The following ACVR1 variants were observed in gnomAD, a reference collection of about 807,000 sequenced individuals.
ACVR1 encodes the protein activin A receptor type 1.
In ACVR1, 38 loss-of-function variants were observed where a neutral mutation model predicts 57.1. The observed-to-expected ratio is 0.67, with a 90% confidence interval of 0.51 to 0.87. ACVR1 has a LOEUF of 0.87. ACVR1 is among the 40% of genes least tolerant of loss of function. The pLI, the probability that ACVR1 is intolerant of heterozygous loss-of-function variation, is 0.00. For missense variants in ACVR1, 463 were observed against 638.2 expected (o/e 0.73, Z 2.96); for synonymous variants, 212 against 228.1 (o/e 0.93, Z 0.63).
rs376765601 is a variant in ACVR1, at chr2:157,861,569, T to C, written c.-183+14227A>G. On this transcript the variant is annotated intron_variant, in intron 1 of 10. Coordinates refer to ENST00000434821, the MANE Select transcript of ACVR1 (RefSeq NM_001111067.4). ...TGAAAACTAAATCCAGGTAATCTTC[T>C]GTTTAACATTTAACAGACTAAAAAT... Among the ~76,000 whole-genome samples the C allele has an allele frequency of 1.1e-4, 16 of 152,366 alleles. No individual in the cohort carries two copies. The East Asian group carries it at 1.5e-3, about 15-fold the overall frequency.
chr2:157,772,064 A>G (rs886861240), intron 6 of ACVR1, among the ~76,000 whole-genome samples: 25 of 152,228 alleles, frequency 1.6e-4, no homozygotes, highest in African/African-American at 6.0e-4. Context: ...ATACAAAATT[A>G]CCTCAAATCC....
chr2:157,776,639 AG>A (rs1376714862), intron 5 of ACVR1, among the ~76,000 whole-genome samples: 5 of 152,204 alleles, frequency 3.3e-5, no homozygotes, highest in Admixed American at 2.0e-4. Context: ...GGCAGGCAGT[AG>A]AATGGGATGT....
chr2:157,762,940 A>G (rs1308609735), intron 8 of ACVR1, among the ~76,000 whole-genome samples: 1 of 152,246 alleles, frequency 6.6e-6, no homozygotes, highest in Non-Finnish European at 1.5e-5. Flanking sequence ...ACCCTGAGCC[A>G]GAACCACACC....
At chr2:157,799,957 T>C (rs539365445) in intron 2 of ACVR1, among the ~76,000 whole-genome samples, 28 of 152,304 alleles carry the variant, frequency 1.8e-4, no homozygotes, top group Middle Eastern at 6.8e-3. Context: ...GTTAGAGTCT[T>C]ACTTCTCCTT....
At chr2:157,872,580 T>C (rs1690147590) in intron 1 of ACVR1, among the ~76,000 whole-genome samples, 1 of 152,182 alleles carries the variant, frequency 6.6e-6, no homozygotes, top group African/African-American at 2.4e-5. Flanking sequence ...GAGGGGGACA[T>C]ACCTCAACCT....
At chr2:157,778,687 GTAC>G in intron 4 of ACVR1, among the ~76,000 whole-genome samples, 1 of 152,248 alleles carries the variant, frequency 6.6e-6, no homozygotes, top group East Asian at 1.9e-4. Flanking sequence ...TACAGACACT[GTAC>G]TATCCTTAAG....
intron 9 of ACVR1, among the ~76,000 whole-genome samples, chr2:157,757,006 G>A (rs1029884955): frequency 1.5e-5 from 2 of 129,600 alleles, no homozygotes; most frequent in Non-Finnish European, 3.1e-5. Flanking sequence ...ATATATTTGA[G>A]ATATATATAT....
At position 157,748,410 on chromosome 2, in the gene ACVR1, C is replaced by T. The variant is rs1186886657; in HGVS notation, c.1265-9840G>A. Among the ~76,000 whole-genome samples, 3 of 152,110 alleles carry T rather than the reference C, an allele frequency of 2.0e-5. No individual in the cohort carries two copies. The East Asian group carries it at 5.8e-4, about 29-fold the overall frequency. On this transcript the variant is annotated intron_variant, in intron 9 of 10. Coordinates refer to ENST00000434821, the MANE Select transcript of ACVR1 (RefSeq NM_001111067.4). The stretch of plus-strand genomic sequence containing the variant: ...AAATTGTTTGTTAAGATAAACTAAT[C>T]AGAATTAAAATTTTCAGTTCGAAGG...
At chr2:157,778,439 CCA>C (rs1686378977) in intron 4 of ACVR1, 97 bp from the exon 5 acceptor site, 1 of 1,010,378 alleles carries the variant, frequency 9.9e-7, no homozygotes, top group African/African-American at 1.6e-5. Context: ...CTGATCCTGA[CCA>C]CACAGTCTCA....
intron 6 of ACVR1, 90 bp downstream of exon 6, chr2:157,773,998 A>C: frequency 8.7e-7 from 1 of 1,142,912 alleles, no homozygotes; most frequent in Non-Finnish European, 1.3e-6. Flanking sequence ...AACAGGTAAC[A>C]AAAAGCAGAT....
At chr2:157,863,057 T>C (rs1323431788) in intron 1 of ACVR1, among the ~76,000 whole-genome samples, 1 of 118,592 alleles carries the variant, frequency 8.4e-6, no homozygotes, top group Non-Finnish European at 1.6e-5. Flanking sequence ...AGTCTCACTC[T>C]GTCACCCAGG....
intron 3 of ACVR1, among the ~76,000 whole-genome samples, chr2:157,790,869 T>C (rs954698410): frequency 1.3e-5 from 2 of 152,226 alleles, no homozygotes; most frequent in African/African-American, 2.4e-5. Flanking sequence ...CAGTTCTCCA[T>C]TGCCTTCAGG....
chr2:157,827,447 T>C (rs1330730497), intron 1 of ACVR1, among the ~76,000 whole-genome samples: 1 of 152,230 alleles, frequency 6.6e-6, no homozygotes, highest in Non-Finnish European at 1.5e-5. Flanking sequence ...ATATACTACA[T>C]ACCCATAATT....
chr2:157,823,773 G>C (rs1688236204), intron 1 of ACVR1, among the ~76,000 whole-genome samples: 1 of 152,178 alleles, frequency 6.6e-6, no homozygotes, highest in African/African-American at 2.4e-5. Context: ...AAGTGGTTTG[G>C]TGGTCCATCA....
chr2:157,827,622 C>A (rs1688433385), intron 1 of ACVR1, among the ~76,000 whole-genome samples: 1 of 152,202 alleles, frequency 6.6e-6, no homozygotes, highest in Non-Finnish European at 1.5e-5. Flanking sequence ...TCAACAAATA[C>A]TTGTTGGCCT....
Position 157,737,343 on chromosome 2 carries a change from T to C in ACVR1, c.*188A>G. ...TCGTGAAATGCCCAGTTCACAGTCA[T>C]CGAGCGAGGTTAGGGTGGTTTTGAT... is the stretch of plus-strand genomic sequence containing the variant. On this transcript the variant is annotated 3_prime_UTR_variant, in exon 11 of 11. Coordinates refer to ENST00000434821, the MANE Select transcript of ACVR1 (RefSeq NM_001111067.4). 2.9e-6 allele frequency: 2 copies of C among 694,976 alleles called. No individual in the cohort carries two copies. The highest frequency in any genetic ancestry group is 1.7e-5 in the South Asian group (1 of 59,576). 43.1% of individuals were successfully genotyped at this position (694,976 alleles called of 1,614,324 possible).
intron 1 of ACVR1, among the ~76,000 whole-genome samples, chr2:157,855,858 C>G (rs1257802466): frequency 6.6e-6 from 1 of 151,856 alleles, no homozygotes; most frequent in Non-Finnish European, 1.5e-5. Flanking sequence ...TTTTTTTCCT[C>G]CCAAGAGGAA....
intron 1 of ACVR1, among the ~76,000 whole-genome samples, chr2:157,825,917 G>GT (rs1372163040): frequency 6.6e-6 from 1 of 152,170 alleles, no homozygotes; most frequent in Non-Finnish European, 1.5e-5. Context: ...GACTTCTCTG[G>GT]TAATTAGATC....
chr2:157,841,895 C>G (rs1688990030), intron 1 of ACVR1, among the ~76,000 whole-genome samples: 1 of 151,752 alleles, frequency 6.6e-6, no homozygotes, highest in Admixed American at 6.6e-5. Flanking sequence ...GGCGTTGTGG[C>G]AGGCGCCTGT....
Sources: gnomAD v4.1 joint callset for allele counts (sites outside exome capture counted in the v4.1 genomes callset) on GRCh38, gnomAD v4.1.1 for gene constraint, MANE v1.5 for transcripts, NCBI Gene and HGNC (gene_info 2026-07-23, HGNC 2026-07-21) for gene names.